NFIB: variants seen among roughly 807,000 people sequenced by gnomAD.
The protein encoded by NFIB is nuclear factor 1 B-type.
NFIB carries 11 observed loss-of-function variants against 61.5 expected under a neutral mutation model. That is an observed-to-expected ratio of 0.18 (90% CI 0.11 to 0.30). The LOEUF is 0.30. NFIB is among the 10% of genes least tolerant of loss of function. The pLI is 1.00. For missense variants in NFIB, 471 were observed against 608.9 expected (o/e 0.77, Z 2.38); for synonymous variants, 260 against 216.5 (o/e 1.20, Z -1.76).
intron 7 of NFIB, among the ~76,000 whole-genome samples, chr9:14,124,062 T>A (rs1397931761): frequency 6.6e-6 from 1 of 152,304 alleles, no homozygotes; most frequent in East Asian, 1.9e-4. Flanking sequence ...TATCCTGAAC[T>A]CTTTAAGGAC....
intron 1 of NFIB, among the ~76,000 whole-genome samples, chr9:14,372,313 A>G (rs909766784): frequency 1.3e-5 from 2 of 152,194 alleles, no homozygotes; most frequent in African/African-American, 4.8e-5. Context: ...CAGCTTAAGC[A>G]TAAGGAGCCT....
chr9:14,120,984 C>T lies in NFIB; in HGVS notation c.1061-360G>A, dbSNP rs1251122815. On this transcript the variant is annotated intron_variant, in intron 7 of 10. Coordinates refer to ENST00000380953, the MANE Select transcript of NFIB (RefSeq NM_001190737.2). This position sits in a 1 kb window ranked among gnomAD's most constrained non-coding sequence, Gnocchi z 4.4. Reference sequence around the variant, plus strand: ...TTCTTTGATTATAAAATCTTTAGGCCGGGTGCAGTAGCTCACACCTGTAAT... The same window carrying T: ...TTCTTTGATTATAAAATCTTTAGGCTGGGTGCAGTAGCTCACACCTGTAAT... Among the ~76,000 whole-genome samples the T allele has an allele frequency of 6.6e-6, 1 of 152,104 alleles. No individual in the cohort carries two copies. Among genetic ancestry groups the T allele is most frequent in the East Asian group, 1.9e-4 (1 of 5,196 alleles).
At chr9:14,282,212 A>AAC (rs2058420623) in intron 2 of NFIB, among the ~76,000 whole-genome samples, 1 of 152,152 alleles carries the variant, frequency 6.6e-6, no homozygotes, top group Non-Finnish European at 1.5e-5. Flanking sequence ...GTAACCATTC[A>AAC]ACTATTTACC....
At chr9:14,335,078 G>A (rs926382837) in intron 1 of NFIB, among the ~76,000 whole-genome samples, 2 of 152,084 alleles carry the variant, frequency 1.3e-5, no homozygotes, top group African/African-American at 2.4e-5. Flanking sequence ...TCTGTCACCT[G>A]TTGATGGACA....
At chr9:14,138,253 C>A (rs1314280929) in intron 6 of NFIB, among the ~76,000 whole-genome samples, 1 of 152,082 alleles carries the variant, frequency 6.6e-6, no homozygotes, top group Non-Finnish European at 1.5e-5. Context: ...AAATGACAAC[C>A]ACAAATGGCA....
chr9:14,440,493 C>G, the NFIB span, among the ~76,000 whole-genome samples: 1 of 152,224 alleles, frequency 6.6e-6, no homozygotes, highest in East Asian at 1.9e-4. Flanking sequence ...GGGTCTATGT[C>G]CAATTTCAAC....
chr9:14,390,047 C>G (rs946711450), intron 1 of NFIB, among the ~76,000 whole-genome samples: 1 of 152,104 alleles, frequency 6.6e-6, no homozygotes, highest in East Asian at 1.9e-4. Context: ...TTAAACCCTA[C>G]CAAAATCTGA....
At chr9:14,285,864 A>C (rs955716875) in intron 2 of NFIB, among the ~76,000 whole-genome samples, 1 of 151,688 alleles carries the variant, frequency 6.6e-6, no homozygotes, top group African/African-American at 2.4e-5. Context: ...TTAACTTGTA[A>C]GATTGGTATT....
intron 2 of NFIB, among the ~76,000 whole-genome samples, chr9:14,224,900 C>A (rs886577355): frequency 6.6e-6 from 1 of 152,160 alleles, no homozygotes; most frequent in Non-Finnish European, 1.5e-5. Context: ...TTTGAAAGAA[C>A]CTGTTGGCTT....
chr9:14,087,657 T>G lies in NFIB; in HGVS notation c.*652A>C, dbSNP rs1017864513. 2 of 216,672 alleles carry G rather than the reference T, an allele frequency of 9.2e-6. No individual in the cohort carries two copies. Among genetic ancestry groups the G allele is most frequent in the Non-Finnish European group, 1.9e-5 (2 of 107,406 alleles). The allele number at this position is 216,672 out of a possible 1,614,324, so 13.4% of individuals were successfully genotyped here. A position where few individuals can be genotyped will look rare whatever the true frequency, so the allele number is the denominator to read the frequency against. On this transcript the variant is annotated 3_prime_UTR_variant, in exon 11 of 11. Transcript: ENST00000380953. ...GAAAAGGCTGGGTTAAGGGCCGAAA[T>G]TTAATAAATCTGTACTGATAACTAA...
the NFIB span, among the ~76,000 whole-genome samples, chr9:14,474,272 C>A: frequency 6.6e-6 from 1 of 152,050 alleles, no homozygotes; most frequent in Non-Finnish European, 1.5e-5. Flanking sequence ...TGGTGAGGGT[C>A]CTCTTCCTGG....
intron 2 of NFIB, among the ~76,000 whole-genome samples, chr9:14,192,954 A>G (rs986614211): frequency 1.3e-5 from 2 of 152,034 alleles, no homozygotes; most frequent in Non-Finnish European, 2.9e-5. Context: ...AGAATTAAGC[A>G]GTATTAGACA....
At chr9:14,376,379 G>A (rs561544106) in intron 1 of NFIB, among the ~76,000 whole-genome samples, 1 of 152,184 alleles carries the variant, frequency 6.6e-6, no homozygotes, top group Non-Finnish European at 1.5e-5. Flanking sequence ...ATAGTAAAGA[G>A]TAGCTTCAAC....
intron 2 of NFIB, chr9:14,305,720 G>A (rs951288464): frequency 8.9e-6 from 2 of 224,836 alleles, no homozygotes; most frequent in African/African-American, 2.3e-5. Flanking sequence ...CATAGTGAGG[G>A]CCTAGAATTC....
chr9:14,237,842 AGTGT>A (rs200054648), intron 2 of NFIB, among the ~76,000 whole-genome samples: 606 of 52,530 alleles, frequency 0.012, 28 homozygotes, highest in Middle Eastern at 0.028. Context: ...TAGGTATAAC[AGTGT>A]GTGTGTGTGT....
At chr9:14,420,775 C>A in the NFIB span, among the ~76,000 whole-genome samples, 2 of 152,164 alleles carry the variant, frequency 1.3e-5, no homozygotes, top group African/African-American at 4.8e-5. Context: ...GGATGAGACA[C>A]AGTCCCGAAA....
chr9:14,356,865 G>C (rs2061182028), intron 1 of NFIB, among the ~76,000 whole-genome samples: 1 of 152,162 alleles, frequency 6.6e-6, no homozygotes, highest in Non-Finnish European at 1.5e-5. Flanking sequence ...CCGGTGAGTG[G>C]TCATGGGGCT....
intron 10 of NFIB, among the ~76,000 whole-genome samples, chr9:14,091,330 C>A (rs1225328928): frequency 1.3e-5 from 2 of 151,474 alleles, no homozygotes; most frequent in African/African-American, 2.4e-5. Flanking sequence ...TAAAGTAATA[C>A]AGATTATTTA....
intron 1 of NFIB, among the ~76,000 whole-genome samples, chr9:14,342,150 G>A (rs2060959019): frequency 6.6e-6 from 1 of 152,170 alleles, no homozygotes; most frequent in South Asian, 2.1e-4. Context: ...TACATGGCTG[G>A]ATTATGGGTA....
Sources: gnomAD v4.1 joint callset for allele counts (sites outside exome capture counted in the v4.1 genomes callset) on GRCh38, gnomAD v4.1.1 for gene constraint, Gnocchi (gnomAD v3.1) non-coding constraint, MANE v1.5 for transcripts, NCBI Gene and HGNC (gene_info 2026-07-23, HGNC 2026-07-21) for gene names.